Variants in ABCA13 observed in about 807,000 individuals in gnomAD.
ABCA13 encodes ATP binding cassette subfamily A member 13, also known as ATP-binding cassette sub-family A member 13.
ABCA13 carries 476 observed loss-of-function variants against 478.7 expected under a neutral mutation model. That is an observed-to-expected ratio of 0.99 (90% CI 0.92 to 1.07). The LOEUF is 1.07. Ranked by LOEUF, ABCA13 falls within the 50% of genes least tolerant of loss-of-function variation. The pLI, the probability that ABCA13 is intolerant of heterozygous loss-of-function variation, is 0.00. For missense variants in ABCA13, 6,060 were observed against 5,910.6 expected, an observed-to-expected ratio of 1.03 and a Z score of -0.83; for synonymous variants, 2,252 against 2,158.9, an observed-to-expected ratio of 1.04 and a Z score of -1.20.
chr7:48,224,392 G>T (rs1252554908), intron 5 of ABCA13, among the ~76,000 whole-genome samples: 2 of 152,142 alleles, frequency 1.3e-5, no homozygotes, highest in Non-Finnish European at 2.9e-5. Context: ...ACTTCCCCCA[G>T]CAATGGTTCA....
At chr7:48,321,506 T>A (rs939890842) in intron 27 of ABCA13, among the ~76,000 whole-genome samples, 37 of 152,146 alleles carry the variant, frequency 2.4e-4, no homozygotes, top group African/African-American at 8.9e-4. Flanking sequence ...TGGGGGATAG[T>A]CCCTGTGTAG....
intron 20 of ABCA13, among the ~76,000 whole-genome samples, chr7:48,288,698 C>T (rs1329344742): frequency 6.6e-6 from 1 of 152,136 alleles, no homozygotes; most frequent in Non-Finnish European, 1.5e-5. Context: ...CTGGCTCTAA[C>T]TCATTGAATA....
intron 23 of ABCA13, among the ~76,000 whole-genome samples, chr7:48,306,673 G>A (rs147063626): frequency 4.1e-4 from 63 of 152,248 alleles, no homozygotes; most frequent in African/African-American, 1.4e-3. Context: ...ATGAAAAAAG[G>A]TCTTTTTGGT....
At position 48,207,282 on chromosome 7, in the gene ABCA13, GT is replaced by G. The variant is rs202221105; in HGVS notation, c.287+8932del. ...TAAACATGAGAGTGCAGATGTCTCT[GT>G]TTTTTTTTTCCTTTTGGATTGGATT... On this transcript the variant is annotated intron_variant, in intron 3 of 61. Coordinates refer to ENST00000435803, the MANE Select transcript of ABCA13 (RefSeq NM_152701.5). 3.0e-3 allele frequency among the ~76,000 whole-genome samples: 434 copies of G among 144,462 alleles called. 12 individuals carry two copies. In the East Asian group the frequency reaches 0.075, roughly 25 times the overall value. The allele number at this position is 144,462 out of a possible 152,430, so 94.8% of individuals were successfully genotyped here. A position where few individuals can be genotyped will look rare whatever the true frequency, so the allele number is the denominator to read the frequency against.
Position 48,245,591 on chromosome 7 carries a change from G to A in ABCA13, c.1470G>A (p.Val490=), listed in dbSNP as rs1308989549. 33 of 1,611,534 alleles carry A rather than the reference G, an allele frequency of 2.0e-5. No individual in the cohort carries two copies. The highest frequency in any genetic ancestry group is 2.4e-5 in the Non-Finnish European group (28 of 1,179,278). The change falls in exon 12 of 62, where the codon GTG becomes GTA. Residue 490 remains valine (V), a synonymous_variant. Transcript: ENST00000435803. ...ACCAATTGAAACTGGAAAAGGATGT[G>A]TTCTTTTGGGAGCTGAAACAGGTAA... ...ELNQLKLEKD[V]FFWELKQMLA...
In ABCA13 at chr7:48,229,960, G is replaced by T; in HGVS notation, c.763+5G>T. 1 of 1,612,942 alleles carries T rather than the reference G, an allele frequency of 6.2e-7. No individual in the cohort carries two copies. Among genetic ancestry groups the T allele is most frequent in the South Asian group, 1.1e-5 (1 of 90,808 alleles). Reference sequence around the variant, plus strand: ...AACATGGAGTAGCAGTCACCGGTATGGGTGCCTTGTAGCTATTGCTATATT... The same window carrying T: ...AACATGGAGTAGCAGTCACCGGTATTGGTGCCTTGTAGCTATTGCTATATT... On this transcript the variant is annotated splice_donor_5th_base_variant and intron_variant, in intron 7 of 61. Coordinates refer to ENST00000435803, the MANE Select transcript of ABCA13 (RefSeq NM_152701.5).
At chr7:48,623,118 A>G (rs1586017044) in intron 59 of ABCA13, among the ~76,000 whole-genome samples, 2 of 152,346 alleles carry the variant, frequency 1.3e-5, no homozygotes, top group African/African-American at 2.4e-5. Flanking sequence ...AAGCATGAAC[A>G]TGCAAACTCT....
At chr7:48,449,140 G>C (rs56174231) in intron 42 of ABCA13, among the ~76,000 whole-genome samples, 5,456 of 152,228 alleles carry the variant, frequency 0.036, 229 homozygotes, top group Admixed American at 0.11. Flanking sequence ...ACTGTGTCCG[G>C]CTCCTAGCTG....
chr7:48,234,392 G>A (rs1789635249), intron 8 of ABCA13, among the ~76,000 whole-genome samples: 1 of 152,180 alleles, frequency 6.6e-6, no homozygotes, highest in Admixed American at 6.5e-5. Flanking sequence ...GAAATAATAT[G>A]ACACTTGATT....
At chr7:48,585,372 A>T (rs1405746646) in intron 56 of ABCA13, among the ~76,000 whole-genome samples, 2 of 152,242 alleles carry the variant, frequency 1.3e-5, no homozygotes, top group Non-Finnish European at 2.9e-5. Context: ...AGATTTTCTT[A>T]GGCAGATAGC....
Position 48,469,791 on chromosome 7 carries a change from G to A in ABCA13, c.12906-1739G>A, listed in dbSNP as rs189038577. Reference sequence around the variant, plus strand: ...AAAAATTAGCTGGGTAAGGTGGTGCGCACCCATAATCCCAGCTACTCGGGA... The same window carrying A: ...AAAAATTAGCTGGGTAAGGTGGTGCACACCCATAATCCCAGCTACTCGGGA... On this transcript the variant is annotated intron_variant, in intron 44 of 61. Coordinates refer to ENST00000435803, the MANE Select transcript of ABCA13 (RefSeq NM_152701.5). Among the ~76,000 whole-genome samples the A allele has an allele frequency of 1.1e-3, 173 of 152,116 alleles. 2 individuals carry two copies. The highest frequency in any genetic ancestry group is 0.01 in the Admixed American group (160 of 15,278).
At chr7:48,222,017 T>C (rs1787427533) in intron 5 of ABCA13, among the ~76,000 whole-genome samples, 1 of 152,238 alleles carries the variant, frequency 6.6e-6, no homozygotes, top group South Asian at 2.1e-4. Context: ...TATGTGTCTG[T>C]ATCTGTTTAA....
In ABCA13 at chr7:48,341,729, G is replaced by C. The variant is rs576037047; in HGVS notation, c.10204+3274G>C. Reference sequence around the variant, plus strand: ...TATTGGTTTTTTCCTTTTGCCCTGTGTGTGTGTATGTGTGTGTGTTTGGTA... The same window carrying C: ...TATTGGTTTTTTCCTTTTGCCCTGTCTGTGTGTATGTGTGTGTGTTTGGTA... On this transcript the variant is annotated intron_variant, in intron 29 of 61. Transcript: ENST00000435803. Among the ~76,000 whole-genome samples, 14 of 149,530 alleles carry C rather than the reference G, an allele frequency of 9.4e-5. No homozygotes were observed. In the South Asian group the frequency reaches 2.8e-3, roughly 30 times the overall value.
intron 50 of ABCA13, 36 bp from the exon 51 acceptor site, chr7:48,511,048 G>A (rs746519824): frequency 9.3e-6 from 14 of 1,506,452 alleles, no homozygotes; most frequent in Admixed American, 1.7e-5. Context: ...ACCATCTGAT[G>A]TAACAGCTCT....
intron 58 of ABCA13, among the ~76,000 whole-genome samples, chr7:48,604,903 G>A (rs935335017): frequency 1.3e-5 from 2 of 152,134 alleles, no homozygotes; most frequent in African/African-American, 4.8e-5. Flanking sequence ...TTATGAATCT[G>A]GGTGCTCCTG....
At chr7:48,449,686 C>T (rs756737345) in intron 42 of ABCA13, among the ~76,000 whole-genome samples, 5 of 152,214 alleles carry the variant, frequency 3.3e-5, no homozygotes, top group African/African-American at 1.2e-4. Context: ...CCATGCAGCT[C>T]ACCTGATTCT....
At chr7:48,285,890 T>C (rs183511848) in intron 19 of ABCA13, among the ~76,000 whole-genome samples, 1 of 152,312 alleles carries the variant, frequency 6.6e-6, no homozygotes, top group East Asian at 1.9e-4. Flanking sequence ...TAAAGATACC[T>C]GTCTTTGAAA....
At chr7:48,526,111 A>C (rs1235105304) in intron 54 of ABCA13, among the ~76,000 whole-genome samples, 1 of 152,090 alleles carries the variant, frequency 6.6e-6, no homozygotes, top group African/African-American at 2.4e-5. Context: ...TAATTTTTGT[A>C]CTGAAAAATA....
At chr7:48,621,184 GC>G (rs1793092492) in intron 59 of ABCA13, among the ~76,000 whole-genome samples, 1 of 140,310 alleles carries the variant, frequency 7.1e-6, no homozygotes, top group African/African-American at 2.5e-5. Flanking sequence ...GACTTCTCTG[GC>G]TTTTTCATTG....
Sources: allele counts gnomAD v4.1 joint callset (sites outside exome capture counted in the v4.1 genomes callset), GRCh38; gene constraint gnomAD v4.1.1; transcripts MANE v1.5; gene names NCBI Gene and HGNC (gene_info 2026-07-23, HGNC 2026-07-21).